Variants in FAM171A1 observed in about 807,000 individuals in gnomAD.
FAM171A1 encodes the protein family with sequence similarity 171 member A1.
Under a neutral mutation model 74.9 loss-of-function variants are expected in FAM171A1, and 23 were observed. The ratio of observed to expected loss-of-function variants is 0.31; its 90% CI spans 0.22 to 0.44. The LOEUF is 0.44. Ranked by LOEUF, FAM171A1 falls within the 20% of genes least tolerant of loss-of-function variation. The pLI is 1.00. For missense variants in FAM171A1, 1,162 were observed against 1,159.2 expected, an observed-to-expected ratio of 1.00 and a Z score of -0.03; for synonymous variants, 527 against 505.7, an observed-to-expected ratio of 1.04 and a Z score of -0.57.
At chr10:15,250,325 T>G (rs772456993) in intron 4 of FAM171A1, among the ~76,000 whole-genome samples, 18 of 152,210 alleles carry the variant, frequency 1.2e-4, no homozygotes, top group Non-Finnish European at 2.4e-4. Context: ...AAACTCAGAA[T>G]TTACCATGTT....
At chr10:15,336,253 T>C (rs1228678171) in intron 1 of FAM171A1, among the ~76,000 whole-genome samples, 1 of 152,024 alleles carries the variant, frequency 6.6e-6, no homozygotes, top group Non-Finnish European at 1.5e-5. Flanking sequence ...CCCAGGTTGA[T>C]GGGGCTTGTG....
At chr10:15,237,058 G>C (rs1445707082) in intron 5 of FAM171A1, among the ~76,000 whole-genome samples, 3 of 152,148 alleles carry the variant, frequency 2.0e-5, no homozygotes, top group African/African-American at 4.8e-5. Flanking sequence ...AGAAAATCCA[G>C]GCCAAATAGC....
At chr10:15,311,366 A>T (rs2131837818) in intron 1 of FAM171A1, among the ~76,000 whole-genome samples, 1 of 152,284 alleles carries the variant, frequency 6.6e-6, no homozygotes, top group African/African-American at 2.4e-5. Context: ...TTGGAGAAAA[A>T]AATTAAGCCT....
chr10:15,343,659 C>T (rs570575931), intron 1 of FAM171A1, among the ~76,000 whole-genome samples: 11 of 152,094 alleles, frequency 7.2e-5, no homozygotes, highest in Non-Finnish European at 1.6e-4. Context: ...GGATATATGT[C>T]ATCCGTGAGG....
At chr10:15,317,641 C>T (rs1193342441) in intron 1 of FAM171A1, among the ~76,000 whole-genome samples, 1 of 152,202 alleles carries the variant, frequency 6.6e-6, no homozygotes, top group Non-Finnish European at 1.5e-5. Context: ...GATCTGCCTG[C>T]CTCAGCCTCC....
rs78484118 is a variant in FAM171A1, at chr10:15,325,975, T to C, written c.98-41870A>G. Among the ~76,000 whole-genome samples, 988 of 152,338 alleles carry C rather than the reference T, an allele frequency of 6.5e-3. 5 individuals are homozygous for C. The highest frequency in any genetic ancestry group is 0.01 in the Non-Finnish European group (690 of 68,030). On this transcript the variant is annotated intron_variant, in intron 1 of 7. Coordinates refer to ENST00000378116, the MANE Select transcript of FAM171A1 (RefSeq NM_001010924.2). ...TGACTGACTTCAACCCAGTACAGAT[T>C]AAACATCGCTACATCAAATCACATT...
At chr10:15,343,663 C>G (rs532867173) in intron 1 of FAM171A1, among the ~76,000 whole-genome samples, 1 of 152,026 alleles carries the variant, frequency 6.6e-6, no homozygotes, top group South Asian at 2.1e-4. Context: ...ATATGTCATC[C>G]GTGAGGACAT....
chr10:15,268,528 C>T (rs183604799), intron 3 of FAM171A1, among the ~76,000 whole-genome samples: 1 of 152,112 alleles, frequency 6.6e-6, no homozygotes, highest in Non-Finnish European at 1.5e-5. Flanking sequence ...AAATATCAAG[C>T]TCTATGTGTC....
chr10:15,305,891 G>A (rs369689476), intron 1 of FAM171A1, among the ~76,000 whole-genome samples: 7 of 152,212 alleles, frequency 4.6e-5, no homozygotes, highest in Middle Eastern at 3.4e-3. Context: ...GCACGAACAC[G>A]GGGACAGACA....
rs1588492108 is a variant in FAM171A1 at position 15,216,217 on chromosome 10, A to G, written c.872-107T>C. The G allele has an allele frequency of 1.5e-5, 10 of 680,330 alleles. No homozygotes were observed. The East Asian group carries it at 2.9e-4, about 20-fold the overall frequency. 42.1% of individuals were successfully genotyped at this position (680,330 alleles called of 1,614,324 possible). A position where few individuals can be genotyped will look rare whatever the true frequency, so the allele number is the denominator to read the frequency against. On this transcript the variant is annotated intron_variant, in intron 6 of 7. Transcript: ENST00000378116. ...TGTGCTTACTCTTCTTAGCTGGGGC[A>G]TAGAGCAGTGGCCAGAGGAAAACGC...
intron 3 of FAM171A1, among the ~76,000 whole-genome samples, chr10:15,267,244 T>C (rs1047725225): frequency 6.6e-6 from 1 of 152,150 alleles, no homozygotes; most frequent in African/African-American, 2.4e-5. Context: ...CCAGCGTGCA[T>C]GGGCACAGAA....
At chr10:15,307,281 C>T (rs541225407) in intron 1 of FAM171A1, among the ~76,000 whole-genome samples, 4 of 152,248 alleles carry the variant, frequency 2.6e-5, no homozygotes, top group South Asian at 4.2e-4. Flanking sequence ...ACGACACAGA[C>T]GTGATTCTAA....
At chr10:15,340,258 G>C (rs1450209797) in intron 1 of FAM171A1, among the ~76,000 whole-genome samples, 1 of 152,128 alleles carries the variant, frequency 6.6e-6, no homozygotes, top group Non-Finnish European at 1.5e-5. Flanking sequence ...TTAATTTTTA[G>C]GAAGAGGGAT....
upstream of FAM171A1, among the ~76,000 whole-genome samples, chr10:15,372,384 T>G (rs1262896448): frequency 6.6e-6 from 1 of 152,024 alleles, no homozygotes; most frequent in Non-Finnish European, 1.5e-5. Flanking sequence ...ACCCCAAAAT[T>G]GAAACTCTTC....
At chr10:15,341,531 T>A (rs1178163767) in intron 1 of FAM171A1, among the ~76,000 whole-genome samples, 1 of 152,244 alleles carries the variant, frequency 6.6e-6, no homozygotes, top group Non-Finnish European at 1.5e-5. Context: ...AGATTTCTGA[T>A]CGGATCCATG....
At position 15,302,494 on chromosome 10, in the gene FAM171A1, A is replaced by C. The variant is rs528902706; in HGVS notation, c.98-18389T>G. On this transcript the variant is annotated intron_variant, in intron 1 of 7. Transcript: ENST00000378116. ...AAAAACAAAACAAAACAAAACAAAA[A>C]AACCCAAAACCAAAAAAAAAAAAAA... 7.7e-4 allele frequency among the ~76,000 whole-genome samples: 115 copies of C among 149,056 alleles called. 1 individual carries two copies. Among genetic ancestry groups the C allele is most frequent in the African/African-American group, 2.7e-3 (108 of 40,634 alleles).
chr10:15,281,086 G>A lies in FAM171A1; in HGVS notation c.325+2792C>T, dbSNP rs370438671. ...CTTGTGATCATGAGTGAGTTCTCAC[G>A]AGACCTGGTTGTTTCAAGGTGTGTA... On this transcript the variant is annotated intron_variant, in intron 2 of 7. Coordinates refer to ENST00000378116, the MANE Select transcript of FAM171A1 (RefSeq NM_001010924.2). 2.6e-4 allele frequency among the ~76,000 whole-genome samples: 40 copies of A among 152,242 alleles called. No individual in the cohort carries two copies. In the South Asian group the frequency reaches 8.1e-3, roughly 31 times the overall value.
intron 1 of FAM171A1, among the ~76,000 whole-genome samples, chr10:15,338,769 G>GTC (rs1253900358): frequency 6.6e-6 from 1 of 152,112 alleles, no homozygotes; most frequent in Admixed American, 6.6e-5. Flanking sequence ...TTTTGAGACA[G>GTC]TCTCTCTGTC....
At chr10:15,287,500 G>C (rs1057365607) in intron 1 of FAM171A1, among the ~76,000 whole-genome samples, 1 of 151,476 alleles carries the variant, frequency 6.6e-6, no homozygotes, top group South Asian at 2.1e-4. Flanking sequence ...CGATTCTCCT[G>C]CCTCAGCCAC....
Sources: allele counts gnomAD v4.1 joint callset (sites outside exome capture counted in the v4.1 genomes callset), GRCh38; gene constraint gnomAD v4.1.1; transcripts MANE v1.5; gene names NCBI Gene and HGNC (gene_info 2026-07-23, HGNC 2026-07-21).